ST6GALNAC3: variants seen among roughly 807,000 people sequenced by gnomAD.
ST6GALNAC3 encodes alpha-N-acetylgalactosaminide alpha-2,6-sialyltransferase 3.
A neutral mutation model predicts 32.7 loss-of-function variants in ST6GALNAC3; 25 were observed. The observed-to-expected ratio is 0.76, with a 90% CI of 0.56 to 1.07. The LOEUF (loss-of-function observed/expected upper bound fraction) is 1.07. Ranked by LOEUF, ST6GALNAC3 falls within the 50% of genes least tolerant of loss-of-function variation. The pLI is 0.00. For missense variants in ST6GALNAC3, 355 were observed against 382.4 expected (o/e 0.93, Z 0.60); for synonymous variants, 129 against 133.1 (o/e 0.97, Z 0.21).
chr1:76,198,157 C>A (rs1465925880), intron 1 of ST6GALNAC3, among the ~76,000 whole-genome samples: 1 of 152,126 alleles, frequency 6.6e-6, no homozygotes, highest in Non-Finnish European at 1.5e-5. Flanking sequence ...CCCACTTCAG[C>A]CCCCAAGTAG....
At chr1:76,336,066 G>A (rs1225567345) in intron 2 of ST6GALNAC3, among the ~76,000 whole-genome samples, 1 of 152,144 alleles carries the variant, frequency 6.6e-6, no homozygotes. Context: ...TACTCTCAAA[G>A]CCTTTCTGAT....
chr1:76,225,360 A>G (rs1350085940), intron 1 of ST6GALNAC3, among the ~76,000 whole-genome samples: 1 of 152,106 alleles, frequency 6.6e-6, no homozygotes, highest in Non-Finnish European at 1.5e-5. Flanking sequence ...CCTTGTGAAG[A>G]ATGTATTGTG....
In ST6GALNAC3 at chr1:76,412,283, A is replaced by C. The variant is rs1654305194; in HGVS notation, c.489A>C (p.Lys163Asn). ...GGGGACCTTTCCGCAATATGAGGAA[A>C]GATGGCAATGGCATCGTTTACAACA... is the stretch of plus-strand genomic sequence containing the variant. ...VIWGPFRNMR[K>N]DGNGIVYNML... The change falls in exon 3 of 5, where the codon AAA (lysine) becomes AAC (asparagine). Residue 163 changes from lysine to asparagine, a missense_variant. Physicochemically the swap from Lys to Asn is moderately conservative, Grantham distance 94. Transcript: ENST00000328299. 1 of 1,613,710 alleles carries C rather than the reference A, an allele frequency of 6.2e-7. No homozygotes were observed. The highest frequency in any genetic ancestry group is 1.3e-5 in the African/African-American group (1 of 74,884).
At chr1:76,539,291 G>A (rs1663833192) in intron 3 of ST6GALNAC3, among the ~76,000 whole-genome samples, 1 of 152,182 alleles carries the variant, frequency 6.6e-6, no homozygotes, top group Non-Finnish European at 1.5e-5. Context: ...AATAAATGGT[G>A]CTGGGAAAAC....
chr1:76,497,857 C>T (rs1401768575), intron 3 of ST6GALNAC3, among the ~76,000 whole-genome samples: 2 of 152,154 alleles, frequency 1.3e-5, no homozygotes, highest in African/African-American at 4.8e-5. Flanking sequence ...CCATTCAGCA[C>T]CTCTATGTGG....
chr1:76,163,993 A>G (rs1651971380), intron 1 of ST6GALNAC3, among the ~76,000 whole-genome samples: 2 of 152,192 alleles, frequency 1.3e-5, no homozygotes, highest in Non-Finnish European at 2.9e-5. Context: ...GTTTTGTGGC[A>G]TAATGCTTAA....
chr1:76,569,158 A>G (rs1447646834), intron 3 of ST6GALNAC3, among the ~76,000 whole-genome samples: 2 of 152,176 alleles, frequency 1.3e-5, no homozygotes, highest in Non-Finnish European at 2.9e-5. Context: ...TTTGCTGCCC[A>G]AACATACACT....
intron 1 of ST6GALNAC3, among the ~76,000 whole-genome samples, chr1:76,158,003 G>T (rs1014825804): frequency 1.2e-4 from 18 of 152,220 alleles, no homozygotes; most frequent in Admixed American, 2.0e-4. Flanking sequence ...AGTCTCTGAT[G>T]TTAAAACAGG....
chr1:76,467,076 G>A (rs1056849338), intron 3 of ST6GALNAC3, among the ~76,000 whole-genome samples: 3 of 152,002 alleles, frequency 2.0e-5, no homozygotes, highest in Admixed American at 1.3e-4. Context: ...CGGAGAATTG[G>A]CATTTATATG....
intron 3 of ST6GALNAC3, among the ~76,000 whole-genome samples, chr1:76,413,154 T>G (rs980931149): frequency 6.6e-6 from 1 of 152,108 alleles, no homozygotes; most frequent in Non-Finnish European, 1.5e-5. Context: ...TTTCCTCTGT[T>G]TGCTCCATTT....
Position 76,628,650 on chromosome 1 carries a change from T to C in ST6GALNAC3, c.762T>C (p.His254=). The change falls in exon 5 of 5, where the codon CAT becomes CAC. Residue 254 remains histidine, a synonymous_variant. Transcript: ENST00000328299. ...AAGGGTATAGAAAAGTCCCCTACCA[T>C]TATTATGAACAAGGAAGAGATGAGT... is the stretch of plus-strand genomic sequence containing the variant. ...KTEGYRKVPY[H]YYEQGRDECD... The C allele has an allele frequency of 6.2e-7, 1 of 1,610,826 alleles. No individual in the cohort carries two copies.
intron 2 of ST6GALNAC3, among the ~76,000 whole-genome samples, chr1:76,372,533 C>A (rs1360547904): frequency 2.0e-5 from 3 of 152,006 alleles, no homozygotes; most frequent in African/African-American, 7.3e-5. Flanking sequence ...CAGTTAATGA[C>A]ACCACTGTCC....
At chr1:76,428,860 T>C (rs1655567231) in intron 3 of ST6GALNAC3, among the ~76,000 whole-genome samples, 1 of 152,118 alleles carries the variant, frequency 6.6e-6, no homozygotes, top group South Asian at 2.1e-4. Flanking sequence ...CAGGCTATGT[T>C]TTGCCAGAAA....
chr1:76,261,466 T>A (rs898296782), intron 1 of ST6GALNAC3, among the ~76,000 whole-genome samples: 4 of 152,188 alleles, frequency 2.6e-5, no homozygotes, highest in Admixed American at 2.6e-4. Flanking sequence ...GGAGTTGAGC[T>A]CCTAGGTGAG....
chr1:76,095,319 A>G (rs1284852781), intron 1 of ST6GALNAC3, among the ~76,000 whole-genome samples: 1 of 152,170 alleles, frequency 6.6e-6, no homozygotes, highest in Non-Finnish European at 1.5e-5. Context: ...TCTCTAGTGT[A>G]AGCAATTTTA....
chr1:76,341,134 T>A (rs1647931666), intron 2 of ST6GALNAC3, among the ~76,000 whole-genome samples: 1 of 151,724 alleles, frequency 6.6e-6, no homozygotes, highest in African/African-American at 2.4e-5. Flanking sequence ...GGGCTTCTGA[T>A]GATCCTGTTA....
chr1:76,566,160 A>G (rs1305155081), intron 3 of ST6GALNAC3, among the ~76,000 whole-genome samples: 1 of 152,188 alleles, frequency 6.6e-6, no homozygotes, highest in Non-Finnish European at 1.5e-5. Flanking sequence ...ACCAGCAAGT[A>G]TTTCTCAGAT....
Position 76,555,830 on chromosome 1 carries a change from A to G in ST6GALNAC3, c.624-71622A>G, listed in dbSNP as rs188885256. Reference sequence around the variant, plus strand: ...GGATTCTGGGTACCAGGAAAATTCAATAAGAAATTCTGGGGTTAGGACATA... The same window carrying G: ...GGATTCTGGGTACCAGGAAAATTCAGTAAGAAATTCTGGGGTTAGGACATA... On this transcript the variant is annotated intron_variant, in intron 3 of 4. Coordinates refer to ENST00000328299, the MANE Select transcript of ST6GALNAC3 (RefSeq NM_152996.4). Among the ~76,000 whole-genome samples, 296 of 152,264 alleles carry G rather than the reference A, an allele frequency of 1.9e-3. 1 individual carries two copies. Among genetic ancestry groups the G allele is most frequent in the African/African-American group, 6.8e-3 (283 of 41,556 alleles).
intron 3 of ST6GALNAC3, among the ~76,000 whole-genome samples, chr1:76,601,826 G>T (rs997559056): frequency 2.6e-5 from 4 of 152,170 alleles, no homozygotes; most frequent in Non-Finnish European, 5.9e-5. Context: ...CACAGGCAGT[G>T]CTGAACATGA....
Sources: gnomAD v4.1 joint callset for allele counts (sites outside exome capture counted in the v4.1 genomes callset) on GRCh38, gnomAD v4.1.1 for gene constraint, MANE v1.5 for transcripts, NCBI Gene and HGNC (gene_info 2026-07-23, HGNC 2026-07-21) for gene names.